RIPK2: variants seen among roughly 807,000 people sequenced by gnomAD.
The protein encoded by RIPK2 is receptor-interacting serine/threonine-protein kinase 2.
In RIPK2, 38 loss-of-function variants were observed where a neutral mutation model predicts 60.9. The ratio of observed to expected loss-of-function variants is 0.62; its 90% CI spans 0.48 to 0.82. The LOEUF is 0.82. RIPK2 is among the 40% of genes least tolerant of loss of function. The pLI is 0.00. For synonymous variants in RIPK2, 225 were observed against 223.4 expected, an observed-to-expected ratio of 1.01 and a Z score of -0.06; for missense variants, 518 against 647.0, an observed-to-expected ratio of 0.80 and a Z score of 2.16.
chr8:89,781,189 T>C (rs1809493238), intron 7 of RIPK2, among the ~76,000 whole-genome samples: 1 of 152,010 alleles, frequency 6.6e-6, no homozygotes, highest in South Asian at 2.1e-4. Context: ...TGTGGGTTGC[T>C]GGATCTAGTG....
chr8:89,772,725 T>C lies in RIPK2; in HGVS notation c.750T>C (p.Ile250=). 1 of 1,611,982 alleles carries C rather than the reference T, an allele frequency of 6.2e-7. No homozygotes were observed. Among genetic ancestry groups the C allele is most frequent in the Non-Finnish European group, 8.5e-7 (1 of 1,178,496 alleles). Residue 250 remains isoleucine (I), a synonymous_variant, in exon 6 of 11, where the codon ATT becomes ATC. Transcript: ENST00000220751. ...YSVSQGHRPV[I]NEESLPYDIP... is the part of the protein sequence containing the mutation. ...TGTCACAAGGACATCGACCTGTTAT[T>C]AATGAAGAAAGTTTGCCATATGATA... is the stretch of plus-strand genomic sequence containing the variant.
chr8:89,761,874 A>G (rs1410638253), intron 1 of RIPK2, among the ~76,000 whole-genome samples: 2 of 152,068 alleles, frequency 1.3e-5, no homozygotes, highest in Non-Finnish European at 2.9e-5. Flanking sequence ...CTTTTATATT[A>G]CATAAAAGGA....
At chr8:89,760,486 A>T (rs970386279) in intron 1 of RIPK2, among the ~76,000 whole-genome samples, 4 of 152,234 alleles carry the variant, frequency 2.6e-5, no homozygotes, top group Admixed American at 1.3e-4. Flanking sequence ...ATCAATTTTT[A>T]AAATCTTTTG....
Position 89,757,996 on chromosome 8 carries a change from C to T in RIPK2, c.-65C>T. The T allele has an allele frequency of 6.8e-7, 1 of 1,468,114 alleles. No homozygotes were observed. The allele number at this position is 1,468,114 out of a possible 1,614,324, so 90.9% of individuals were successfully genotyped here. On this transcript the variant is annotated 5_prime_UTR_variant, in exon 1 of 11. Coordinates refer to ENST00000220751, the MANE Select transcript of RIPK2 (RefSeq NM_003821.6). The stretch of plus-strand genomic sequence containing the variant: ...GGCGTATCTGGGCGCCTGAGCGCGG[C>T]GTGGGAGCCTTGGGAGCCGCCGCAG...
At chr8:89,781,463 C>G (rs963375999) in intron 7 of RIPK2, among the ~76,000 whole-genome samples, 1 of 151,412 alleles carries the variant, frequency 6.6e-6, no homozygotes, top group African/African-American at 2.4e-5. Context: ...AAGTGCTGGG[C>G]TCAAGCAGTC....
At chr8:89,772,201 C>G (rs1003494544) in intron 5 of RIPK2, among the ~76,000 whole-genome samples, 2 of 151,976 alleles carry the variant, frequency 1.3e-5, no homozygotes, top group Non-Finnish European at 2.9e-5. Flanking sequence ...TAAAGACTAG[C>G]AAATATCGAA....
Position 89,769,922 on chromosome 8 carries a change from A to G in RIPK2, c.634A>G (p.Ile212Val), listed in dbSNP as rs1187566330. 6.3e-7 allele frequency: 1 copy of G among 1,590,118 alleles called. No homozygotes were observed. Among genetic ancestry groups the G allele is most frequent in the African/African-American group, 1.4e-5 (1 of 72,986 alleles). Residue 212 changes from isoleucine (I) to valine (V), a missense_variant, in exon 4 of 11, where the codon ATA becomes GTA. Ile to Val is a conservative substitution (Grantham distance 29). Transcript: ENST00000220751. The part of the protein sequence containing the change: ...QKSRASIKHD[I>V]YSYAVITWEV... Reference sequence around the variant, plus strand: ...ATCAAGGGCCAGTATCAAGCACGATATATATAGGTAGAGTAAAGTTGCTTC... The same window carrying G: ...ATCAAGGGCCAGTATCAAGCACGATGTATATAGGTAGAGTAAAGTTGCTTC...
intron 8 of RIPK2, among the ~76,000 whole-genome samples, chr8:89,785,008 G>A (rs938423633): frequency 2.0e-5 from 3 of 152,032 alleles, no homozygotes; most frequent in Non-Finnish European, 2.9e-5. Context: ...TTCTAGAATG[G>A]CACCAAGCTA....
chr8:89,774,775 G>A (rs1408038536), intron 6 of RIPK2, among the ~76,000 whole-genome samples: 1 of 152,124 alleles, frequency 6.6e-6, no homozygotes, highest in Non-Finnish European at 1.5e-5. Context: ...ATAGCAAAGA[G>A]AGGACCCATA....
intron 6 of RIPK2, among the ~76,000 whole-genome samples, chr8:89,776,576 G>C (rs1809401053): frequency 6.6e-6 from 1 of 152,204 alleles, no homozygotes; most frequent in African/African-American, 2.4e-5. Context: ...GGGGATGACA[G>C]TGAACAGGGA....
Position 89,767,565 on chromosome 8 carries a change from A to T in RIPK2, c.483+2069A>T, listed in dbSNP as rs182780827. Reference sequence around the variant, plus strand: ...ACTAATCTATTCCATCAATTATAGAACCATCAAGTAGAAATACCTTAATGG... The same window carrying T: ...ACTAATCTATTCCATCAATTATAGATCCATCAAGTAGAAATACCTTAATGG... On this transcript the variant is annotated intron_variant, in intron 3 of 10. Transcript: ENST00000220751. Among the ~76,000 whole-genome samples the T allele has an allele frequency of 4.0e-5, 6 of 151,794 alleles. No homozygotes were observed. The East Asian group carries it at 9.7e-4, about 24-fold the overall frequency.
chr8:89,775,776 G>C (rs1809387465), intron 6 of RIPK2, among the ~76,000 whole-genome samples: 1 of 152,172 alleles, frequency 6.6e-6, no homozygotes, highest in Non-Finnish European at 1.5e-5. Context: ...TATTTTCTCA[G>C]TGTAGTATGA....
Position 89,784,141 on chromosome 8 carries a change from T to TAAAAAAAAAAAAAAAAAAAAAAAAAAAA in RIPK2, c.1029+25_1029+26insAAAAAAAAAAAAAAAAAAAAAAAAAAAA. ...CCTGTAAATCATGGTCCACAAGAGG[T>TAAAAAAAAAAAAAAAAAAAAAAAAAAAA]AAAAAAAAAAAAAAAAAAAAAAAGG... On this transcript the variant is annotated splice_region_variant and intron_variant, in intron 8 of 10. Transcript: ENST00000220751. The TAAAAAAAAAAAAAAAAAAAAAAAAAAAA allele has an allele frequency of 1.8e-6, 1 of 556,166 alleles. No homozygotes were observed. The highest frequency in any genetic ancestry group is 2.6e-6 in the Non-Finnish European group (1 of 382,030). The allele number at this position is 556,166 out of a possible 1,614,324, so 34.5% of individuals were successfully genotyped here.
chr8:89,788,409 T>C (rs1809621773), intron 9 of RIPK2, among the ~76,000 whole-genome samples: 1 of 152,068 alleles, frequency 6.6e-6, no homozygotes, highest in Non-Finnish European at 1.5e-5. Flanking sequence ...TTTAATGTTT[T>C]TGTTTTTGTT....
intron 6 of RIPK2, among the ~76,000 whole-genome samples, chr8:89,775,154 A>G (rs758936081): frequency 2.0e-5 from 3 of 152,132 alleles, no homozygotes; most frequent in Admixed American, 6.6e-5. Flanking sequence ...ATTTTTTCCT[A>G]TGGCCAGGCA....
chr8:89,765,924 A>G lies in RIPK2; in HGVS notation c.483+428A>G, dbSNP rs140736640. Among the ~76,000 whole-genome samples, 188 of 151,942 alleles carry G rather than the reference A, an allele frequency of 1.2e-3. 2 individuals are homozygous for G. The highest frequency in any genetic ancestry group is 4.5e-3 in the African/African-American group (185 of 41,514). On this transcript the variant is annotated intron_variant, in intron 3 of 10. Coordinates refer to ENST00000220751, the MANE Select transcript of RIPK2 (RefSeq NM_003821.6). Reference sequence around the variant, plus strand: ...TGACATTAGTACAATGTGTGTTCATAGTAACCGCAACAATCAAGGTACAGC... The same window carrying G: ...TGACATTAGTACAATGTGTGTTCATGGTAACCGCAACAATCAAGGTACAGC...
At chr8:89,786,517 A>G (rs1220426033) in intron 8 of RIPK2, 76 bp from the exon 9 acceptor site, 3 of 882,118 alleles carry the variant, frequency 3.4e-6, no homozygotes, top group East Asian at 2.5e-5. Flanking sequence ...GTGATAAGCC[A>G]CAAACAAGAA....
chr8:89,785,344 G>T (rs551239250), intron 8 of RIPK2, among the ~76,000 whole-genome samples: 9 of 151,910 alleles, frequency 5.9e-5, no homozygotes, highest in African/African-American at 1.9e-4. Context: ...GCATGGTGGC[G>T]CATGCCTGTA....
chr8:89,765,391 T>G lies in RIPK2; in HGVS notation c.378T>G (p.His126Gln). The G allele has an allele frequency of 1.9e-6, 3 of 1,609,758 alleles. No homozygotes were observed. The highest frequency in any genetic ancestry group is 2.5e-6 in the Non-Finnish European group (3 of 1,176,558). The change falls in exon 3 of 11, where the codon CAT (histidine) becomes CAG (glutamine). Residue 126 changes from histidine (H) to glutamine (Q), a missense_variant. This residue lies in a region of RIPK2 where 448 missense variants were observed against 534.7 expected (regional missense o/e 0.84). Transcript: ENST00000220751. The part of the protein sequence containing the change: ...VAWPLRFRIL[H>Q]EIALGVNYLH... ...GGCCATTGAGATTTCGCATCCTGCA[T>G]GAAATTGCCCTTGGTGTAAATTACC...
Sources: gnomAD v4.1 joint callset for allele counts (sites outside exome capture counted in the v4.1 genomes callset) on GRCh38, gnomAD v4.1.1 for gene constraint, gnomAD v4.1.1 regional missense constraint, MANE v1.5 for transcripts, NCBI Gene and HGNC (gene_info 2026-07-23, HGNC 2026-07-21) for gene names.